ITIH6: variants seen among roughly 807,000 people sequenced by gnomAD.
The protein encoded by ITIH6 is inter-alpha-trypsin inhibitor heavy chain family member 6.
In ITIH6, 60 loss-of-function variants were observed where a neutral mutation model predicts 58.2. The observed-to-expected ratio is 1.03, with a 90% CI of 0.84 to 1.28. The LOEUF (loss-of-function observed/expected upper bound fraction) is 1.28, where lower values mean the gene tolerates loss of function less well. Ranked by LOEUF, ITIH6 falls within the 50% of genes most tolerant of loss-of-function variation. The probability of loss-of-function intolerance (pLI) is 0.00; values close to 1 mark genes in which losing one functional copy is unlikely to be tolerated. For missense variants in ITIH6, 1,290 were observed against 1,021.1 expected (o/e 1.26, Z -3.59); for synonymous variants, 493 against 417.4 (o/e 1.18, Z -2.21).
intron 6 of ITIH6, among the ~76,000 whole-genome samples, chrX:54,767,017 C>T (rs1256875073): frequency 9.1e-6 from 1 of 110,227 alleles, no homozygotes; most frequent in Non-Finnish European, 1.9e-5. Context: ...TCCATCTGGT[C>T]CTGGACTCTT....
At chrX:54,755,175 G>T in intron 8 of ITIH6, 66 bp from the exon 9 acceptor site, 1 of 979,294 alleles carries the variant, frequency 1.0e-6, no homozygotes, top group Non-Finnish European at 1.4e-6. Flanking sequence ...AAATCTTTCT[G>T]ACAAGGAGAG....
chrX:54,755,279 A>G (rs925719359), intron 8 of ITIH6, among the ~76,000 whole-genome samples, 170 bp from the exon 9 acceptor site: 1 of 112,758 alleles, frequency 8.9e-6, no homozygotes, highest in Non-Finnish European at 1.9e-5. Flanking sequence ...AGATATGTTC[A>G]AAGTTCTTCC....
At chrX:54,753,433 TTACTC>T (rs1928412372) in intron 11 of ITIH6, among the ~76,000 whole-genome samples, 1 of 112,211 alleles carries the variant, frequency 8.9e-6, no homozygotes, top group South Asian at 3.8e-4. Flanking sequence ...TTGTGTGAGT[TTACTC>T]TATGCCCTTT....
chrX:54,758,455 T>C lies in ITIH6; in HGVS notation c.1619A>G (p.Asn540Ser). Residue 540 changes from asparagine to serine, a missense_variant, in exon 8 of 13, where the codon AAC becomes AGC. Coordinates refer to ENST00000218436, the MANE Select transcript of ITIH6 (RefSeq NM_198510.3). ...LVAHHSEGATNNSQKAFGCPG... is the reference protein window; with the variant it reads ...LVAHHSEGATSNSQKAFGCPG... ...GCAACCAAAGGCCTTCTGGCTGTTG[T>C]TGGTGGCCCCTTCACTGTGGTGGGC... 1 of 1,209,568 alleles carries C rather than the reference T, an allele frequency of 8.3e-7. No homozygotes were observed. The highest frequency in any genetic ancestry group is 1.1e-6 in the Non-Finnish European group (1 of 894,456).
intron 6 of ITIH6, among the ~76,000 whole-genome samples, chrX:54,764,432 C>G (rs1378120200): frequency 9.5e-6 from 1 of 105,409 alleles, no homozygotes; most frequent in African/African-American, 3.5e-5. Context: ...ACCACAGTCC[C>G]CAGAGTGTGA....
At chrX:54,769,445 G>T (rs1237139290) in intron 6 of ITIH6, among the ~76,000 whole-genome samples, 6 of 105,505 alleles carry the variant, frequency 5.7e-5, no homozygotes, top group African/African-American at 2.1e-4. Context: ...TTTGGAGGAG[G>T]AGAGGCACTC....
At chrX:54,755,177 C>G (rs774759572) in intron 8 of ITIH6, 68 bp from the exon 9 acceptor site, 200 of 965,982 alleles carry the variant, frequency 2.1e-4, no homozygotes, top group Non-Finnish European at 2.8e-4. Flanking sequence ...ATCTTTCTGA[C>G]AAGGAGAGCC....
chrX:54,752,178 T>G (rs758598342), intron 11 of ITIH6, among the ~76,000 whole-genome samples: 3 of 111,495 alleles, frequency 2.7e-5, no homozygotes, highest in Non-Finnish European at 5.6e-5. Flanking sequence ...TATGAAAAAC[T>G]ATGGATGGAT....
chrX:54,755,990 G>T (rs201150988), intron 8 of ITIH6, among the ~76,000 whole-genome samples: 1 of 111,661 alleles, frequency 9.0e-6, no homozygotes, highest in South Asian at 3.8e-4. Context: ...TGAGGAGCCT[G>T]GAACAGTTTT....
In ITIH6 at chrX:54,780,771, A is replaced by C. The variant is rs887314948; in HGVS notation, c.787-6574T>G. Among the ~76,000 whole-genome samples the C allele has an allele frequency of 3.6e-5, 4 of 111,157 alleles. No individual in the cohort carries two copies. The Admixed American group carries it at 3.8e-4, about 11-fold the overall frequency. On this transcript the variant is annotated intron_variant, in intron 5 of 12. Transcript: ENST00000218436. Reference sequence around the variant, plus strand: ...ACAAAATTGACAAACCTTTACCCCGACTAGTTAAAAAAAGAGAAGATCCAA... The same window carrying C: ...ACAAAATTGACAAACCTTTACCCCGCCTAGTTAAAAAAAGAGAAGATCCAA...
At chrX:54,761,628 A>C (rs1315746735) in intron 6 of ITIH6, among the ~76,000 whole-genome samples, 1 of 111,243 alleles carries the variant, frequency 9.0e-6, no homozygotes, top group Non-Finnish European at 1.9e-5. Flanking sequence ...GGTGTAAGGA[A>C]GGGATCCAGT....
intron 5 of ITIH6, among the ~76,000 whole-genome samples, chrX:54,786,237 C>T (rs780400720): frequency 8.9e-6 from 1 of 111,922 alleles, no homozygotes; most frequent in East Asian, 2.8e-4. Context: ...TGTTGCTTTT[C>T]TCTGCTGGAT....
At chrX:54,790,752 A>G (rs1929329305) in intron 4 of ITIH6, 85 bp downstream of exon 4, 1 of 1,115,708 alleles carries the variant, frequency 9.0e-7, no homozygotes, top group Non-Finnish European at 1.2e-6. Context: ...CAGAAGTGGC[A>G]CTAGAGGGAA....
chrX:54,758,314 A>G lies in ITIH6; in HGVS notation c.1760T>C (p.Leu587Pro), dbSNP rs1470841049. The change falls in exon 8 of 13, where the codon CTG (leucine) becomes CCG (proline). Residue 587 changes from leucine (L) to proline (P), a missense_variant. Physicochemically the swap from Leu to Pro is moderately conservative, Grantham distance 98. Transcript: ENST00000218436. ...FQARDTTTRH[L>P]LAAKVLNLSL... ...CAGGTTGAGGACTTTGGCAGCCAGC[A>G]GGTGGCGAGTGGTGGTGTCACGAGC... The G allele has an allele frequency of 3.3e-6, 4 of 1,210,445 alleles. No individual in the cohort carries two copies. The highest frequency in any genetic ancestry group is 4.5e-6 in the Non-Finnish European group (4 of 895,257).
intron 11 of ITIH6, among the ~76,000 whole-genome samples, chrX:54,751,667 G>A (rs1256816793): frequency 1.8e-5 from 2 of 112,151 alleles, no homozygotes; most frequent in African/African-American, 3.2e-5. Flanking sequence ...ATATGAGTAA[G>A]TCTGGGCATA....
At chrX:54,796,408 G>T (rs1250201872) in intron 2 of ITIH6, among the ~76,000 whole-genome samples, 2 of 112,111 alleles carry the variant, frequency 1.8e-5, no homozygotes, top group Non-Finnish European at 3.8e-5. Context: ...AGTTCTGGCC[G>T]GGTGTGGTGG....
intron 6 of ITIH6, among the ~76,000 whole-genome samples, chrX:54,760,481 A>T (rs1430346182): frequency 9.0e-6 from 1 of 111,354 alleles, no homozygotes; most frequent in East Asian, 2.8e-4. Context: ...GGGTACATGT[A>T]CACAACATGC....
intron 6 of ITIH6, among the ~76,000 whole-genome samples, chrX:54,765,459 A>G (rs1429357903): frequency 9.5e-6 from 1 of 104,874 alleles, no homozygotes; most frequent in Non-Finnish European, 1.9e-5. Context: ...GAAGGGATCC[A>G]GTTTCAGCTT....
intron 6 of ITIH6, among the ~76,000 whole-genome samples, chrX:54,773,404 C>A (rs1050240561): frequency 1.8e-5 from 2 of 111,485 alleles, no homozygotes; most frequent in African/African-American, 6.5e-5. Context: ...TCTGGTAAAA[C>A]AAACTCAGCC....
Sources: allele counts gnomAD v4.1 joint callset (sites outside exome capture counted in the v4.1 genomes callset), GRCh38; gene constraint gnomAD v4.1.1; transcripts MANE v1.5; gene names NCBI Gene and HGNC (gene_info 2026-07-23, HGNC 2026-07-21).